CNOT11: variants seen among roughly 807,000 people sequenced by gnomAD.
The protein encoded by CNOT11 is CCR4-NOT transcription complex subunit 11, also known as UPF0760 protein C2orf29.
A neutral mutation model predicts 44.6 loss-of-function variants in CNOT11; 18 were observed. The observed-to-expected ratio is 0.40, with a 90% CI of 0.28 to 0.60. The LOEUF (loss-of-function observed/expected upper bound fraction) is 0.60, where lower values mean the gene tolerates loss of function less well. Among genes scored for constraint, CNOT11 ranks in the 20% least tolerant of loss-of-function variants. The pLI, the probability that CNOT11 is intolerant of heterozygous loss-of-function variation, is 0.38. For missense variants in CNOT11, 513 were observed against 677.0 expected (o/e 0.76, Z 2.69); for synonymous variants, 291 against 270.9 (o/e 1.07, Z -0.73).
rs1681662189 is a variant in CNOT11 at position 101,253,182 on chromosome 2, G to GCAT, written c.222_224dup (p.Ile75dup). The GCAT allele has an allele frequency of 6.2e-7, 1 of 1,603,242 alleles. No homozygotes were observed. Among genetic ancestry groups the GCAT allele is most frequent in the South Asian group, 1.1e-5 (1 of 89,832 alleles). On this transcript the variant is annotated inframe_insertion, in exon 1 of 7. Transcript: ENST00000289382. The surrounding 1 kb of genome is among the most constrained non-coding windows in gnomAD (Gnocchi z 4.3). ...CCGAAGGAGCTCTCGAGCCTGCTGAGCATCATATCGGAGGAGGCGGGCGGC... is the reference window on the plus strand; with the variant it reads ...CCGAAGGAGCTCTCGAGCCTGCTGAGCATCATCATATCGGAGGAGGCGGGCGGC...
Position 101,253,482 on chromosome 2 carries a change from C to T in CNOT11, c.514+4C>T, listed in dbSNP as rs781534231. On this transcript the variant is annotated splice_donor_region_variant and intron_variant, in intron 1 of 6. Transcript: ENST00000289382. This position sits in a 1 kb window ranked among gnomAD's most constrained non-coding sequence, Gnocchi z 4.3. The stretch of plus-strand genomic sequence containing the variant: ...CCCGACCGCCCTCCGCTCTCAGGTA[C>T]CTCCTGAAGCCAGCTGTGCCGTGTG... The T allele has an allele frequency of 3.4e-6, 5 of 1,463,758 alleles. No individual in the cohort carries two copies. The South Asian group carries it at 5.6e-5, about 16-fold the overall frequency. The allele number at this position is 1,463,758 out of a possible 1,614,324, so 90.7% of individuals were successfully genotyped here. A position where few individuals can be genotyped will look rare whatever the true frequency, so the allele number is the denominator to read the frequency against.
chr2:101,256,538 A>C lies in CNOT11; in HGVS notation c.515-1253A>C, dbSNP rs569810807. Among the ~76,000 whole-genome samples, 26 of 152,268 alleles carry C rather than the reference A, an allele frequency of 1.7e-4. No individual in the cohort carries two copies. In the South Asian group the frequency reaches 3.9e-3, roughly 23 times the overall value. ...TCATGAGCAATTAAACATGGGACAA[A>C]AGGGAAGGAACATTCAGCCTTGTGG... On this transcript the variant is annotated intron_variant, in intron 1 of 6. Coordinates refer to ENST00000289382, the MANE Select transcript of CNOT11 (RefSeq NM_017546.5).
At chr2:101,257,642 T>C in intron 1 of CNOT11, 149 bp from the exon 2 acceptor site, 1 of 597,922 alleles carries the variant, frequency 1.7e-6, no homozygotes, top group Non-Finnish European at 3.0e-6. Context: ...TTTGTAAATG[T>C]ATATATTTGG....
chr2:101,259,341 G>A lies in CNOT11; in HGVS notation c.679+1386G>A, dbSNP rs181082751. ...GTATGAGACTTTCAACTTTGTTCTC[G>A]TTCAGGATTGTTCTGGCACATTCTG... On this transcript the variant is annotated intron_variant, in intron 2 of 6. Coordinates refer to ENST00000289382, the MANE Select transcript of CNOT11 (RefSeq NM_017546.5). Among the ~76,000 whole-genome samples the A allele has an allele frequency of 5.9e-4, 90 of 152,226 alleles. 1 individual carries two copies. In the South Asian group the frequency reaches 0.016, roughly 27 times the overall value.
rs1681666811 is a variant in CNOT11, at chr2:101,253,320, C to T, written c.356C>T (p.Pro119Leu). The T allele has an allele frequency of 6.2e-7, 1 of 1,608,042 alleles. No homozygotes were observed. The highest frequency in any genetic ancestry group is 8.5e-7 in the Non-Finnish European group (1 of 1,179,280). ...VMLLQQPDLL[P>L]SAAQRLTALY... ...CTGCTCCAGCAGCCCGACCTGCTGC[C>T]TAGCGCGGCGCAGCGCCTCACGGCG... The change falls in exon 1 of 7, where the codon CCT (proline) becomes CTT (leucine). Residue 119 changes from proline to leucine, a missense_variant. Physicochemically the swap from Pro to Leu is moderately conservative, Grantham distance 98. Around this residue, in one of 4 missense-constraint regions of CNOT11, gnomAD observed 259 missense variants for 265.7 expected, o/e 0.97. Coordinates refer to ENST00000289382, the MANE Select transcript of CNOT11 (RefSeq NM_017546.5). The surrounding 1 kb of genome is among the most constrained non-coding windows in gnomAD (Gnocchi z 4.3).
rs1285258235 is a variant in CNOT11 at position 101,257,948 on chromosome 2, C to T, written c.672C>T (p.Ala224=). 2 of 1,611,830 alleles carry T rather than the reference C, an allele frequency of 1.2e-6. No individual in the cohort carries two copies. Among genetic ancestry groups the T allele is most frequent in the African/African-American group, 2.7e-5 (2 of 74,876 alleles). ...QSVDISGLQL[A]LAERQSELPT... ...TGGACATTAGTGGGCTTCAGTTAGC[C>T]TTGGCCGGTAAGGAGGAATCAGTGT... is the stretch of plus-strand genomic sequence containing the variant. Residue 224 remains alanine (A), a synonymous_variant, in exon 2 of 7, where the codon GCC becomes GCT. Coordinates refer to ENST00000289382, the MANE Select transcript of CNOT11 (RefSeq NM_017546.5).
chr2:101,268,324 T>C (rs943392246), intron 5 of CNOT11, among the ~76,000 whole-genome samples: 2 of 152,236 alleles, frequency 1.3e-5, no homozygotes, highest in Admixed American at 6.5e-5. Flanking sequence ...CATATTCTTA[T>C]AGCAGTTCTT....
rs181425103 is a variant in CNOT11 at position 101,254,803 on chromosome 2, C to T, written c.514+1325C>T. Among the ~76,000 whole-genome samples the T allele has an allele frequency of 1.6e-4, 25 of 152,144 alleles. No homozygotes were observed. The East Asian group carries it at 4.8e-3, about 29-fold the overall frequency. ...GCCCCAGCTGCTCAGGAGTTTGAGG[C>T]AGGAGGATCACTTGAGCCTAGGAGT... On this transcript the variant is annotated intron_variant, in intron 1 of 6. Transcript: ENST00000289382.
At chr2:101,260,381 G>T (rs181586712) in intron 2 of CNOT11, among the ~76,000 whole-genome samples, 1 of 152,182 alleles carries the variant, frequency 6.6e-6, no homozygotes, top group South Asian at 2.1e-4. Context: ...TTGAGTAGCC[G>T]TAAGAAAGTT....
At chr2:101,258,054 G>A in intron 2 of CNOT11, 99 bp downstream of exon 2, 2 of 1,203,228 alleles carry the variant, frequency 1.7e-6, no homozygotes, top group Non-Finnish European at 2.3e-6. Context: ...ACTGCTAAAA[G>A]GTTAGTATCA....
Position 101,257,961 on chromosome 2 carries a change from G to T in CNOT11, c.679+6G>T, listed in dbSNP as rs755041959. On this transcript the variant is annotated splice_donor_region_variant and intron_variant, in intron 2 of 6. Transcript: ENST00000289382. ...GCTTCAGTTAGCCTTGGCCGGTAAGGAGGAATCAGTGTTTTGGGCATTTCT... is the reference window on the plus strand; with the variant it reads ...GCTTCAGTTAGCCTTGGCCGGTAAGTAGGAATCAGTGTTTTGGGCATTTCT... 1 of 1,609,110 alleles carries T rather than the reference G, an allele frequency of 6.2e-7. No individual in the cohort carries two copies. The highest frequency in any genetic ancestry group is 8.5e-7 in the Non-Finnish European group (1 of 1,177,104).
rs963194317 is a variant in CNOT11 at position 101,263,812 on chromosome 2, T to C, written c.833-1033T>C. On this transcript the variant is annotated intron_variant, in intron 3 of 6. Coordinates refer to ENST00000289382, the MANE Select transcript of CNOT11 (RefSeq NM_017546.5). ...TGCTCGGGCAGAACTCTAAATTGCA[T>C]AGGTCACCAGGAAGATATATGAAAA... Among the ~76,000 whole-genome samples, 9 of 152,336 alleles carry C rather than the reference T, an allele frequency of 5.9e-5. No individual in the cohort carries two copies. In the South Asian group the frequency reaches 6.2e-4, roughly 11 times the overall value.
Position 101,264,990 on chromosome 2 carries a change from C to T in CNOT11, c.978C>T (p.Ile326=). ...TTAAGAATAGCACTGGTGTGGAGAT[C>T]AAACGAATAATGGCCAAAGCCTTCA... ...MCVKNSTGVE[I]KRIMAKAFKS... is the part of the protein sequence containing the mutation. The change falls in exon 4 of 7, where the codon ATC becomes ATT. Residue 326 remains isoleucine (I), a synonymous_variant. Transcript: ENST00000289382. 1 of 1,614,132 alleles carries T rather than the reference C, an allele frequency of 6.2e-7. No individual in the cohort carries two copies. Among genetic ancestry groups the T allele is most frequent in the Non-Finnish European group, 8.5e-7 (1 of 1,179,998 alleles).
chr2:101,257,805 A>G lies in CNOT11; in HGVS notation c.529A>G (p.Ile177Val). Residue 177 changes from isoleucine to valine, a missense_variant, in exon 2 of 7, where the codon ATA (isoleucine) becomes GTA (valine). Physicochemically the swap from Ile to Val is conservative, Grantham distance 29. This residue lies in a region of CNOT11 where 259 missense variants were observed against 265.7 expected (regional missense o/e 0.97). Transcript: ENST00000289382. ...TTTGTTTGCAGGATTTTTACCTCCT[A>G]TAACTCCACCAGAAAAGTTTTTTCT... ...RPPLSGFLPPITPPEKFFLSQ... is the reference protein window; with the variant it reads ...RPPLSGFLPPVTPPEKFFLSQ... 1 of 1,613,532 alleles carries G rather than the reference A, an allele frequency of 6.2e-7. No homozygotes were observed. The highest frequency in any genetic ancestry group is 1.3e-5 in the African/African-American group (1 of 75,006).
Position 101,262,576 on chromosome 2 carries a change from C to A in CNOT11, c.717C>A (p.Ser239Arg). ...AATTGCCAACGCAAAGCAAAGCGAG[C>A]TTCCCCAGTATTCTCAGTGACCCAG... ...QSELPTQSKA[S>R]FPSILSDPDP... Residue 239 changes from serine (S) to arginine (R), a missense_variant, in exon 3 of 7, where the codon AGC (serine) becomes AGA (arginine). Physicochemically the swap from Ser to Arg is moderately radical, Grantham distance 110. Coordinates refer to ENST00000289382, the MANE Select transcript of CNOT11 (RefSeq NM_017546.5). 6.2e-7 allele frequency: 1 copy of A among 1,614,154 alleles called. No homozygotes were observed. Among genetic ancestry groups the A allele is most frequent in the Non-Finnish European group, 8.5e-7 (1 of 1,180,000 alleles).
At position 101,253,698 on chromosome 2, in the gene CNOT11, AATG is replaced by A. The variant is rs1681678669; in HGVS notation, c.514+223_514+225del. 6.6e-6 allele frequency among the ~76,000 whole-genome samples: 1 copy of A among 152,214 alleles called. No homozygotes were observed. The highest frequency in any genetic ancestry group is 2.4e-5 in the African/African-American group (1 of 41,448). The stretch of plus-strand genomic sequence containing the variant: ...TTAATTGCAAGTTCGTGACACCGAA[AATG>A]ATTTCTCTATACACCCCATCACATC... On this transcript the variant is annotated intron_variant, in intron 1 of 6. Coordinates refer to ENST00000289382, the MANE Select transcript of CNOT11 (RefSeq NM_017546.5). This position sits in a 1 kb window ranked among gnomAD's most constrained non-coding sequence, Gnocchi z 4.3.
rs951972925 is a variant in CNOT11 at position 101,255,464 on chromosome 2, C to T, written c.514+1986C>T. ...GAGCCAAGATTGTGCCACTGCAATC[C>T]GGCCTGGGCTAAAGAGCGGGACTCC... On this transcript the variant is annotated intron_variant, in intron 1 of 6. Transcript: ENST00000289382. 2.7e-5 allele frequency among the ~76,000 whole-genome samples: 4 copies of T among 150,662 alleles called. No homozygotes were observed. The East Asian group carries it at 5.9e-4, about 22-fold the overall frequency.
rs1407638086 is a variant in CNOT11 at position 101,253,711 on chromosome 2, T to C, written c.514+233T>C. Among the ~76,000 whole-genome samples the C allele has an allele frequency of 6.6e-6, 1 of 152,230 alleles. No individual in the cohort carries two copies. Among genetic ancestry groups the C allele is most frequent in the Non-Finnish European group, 1.5e-5 (1 of 68,044 alleles). On this transcript the variant is annotated intron_variant, in intron 1 of 6. Coordinates refer to ENST00000289382, the MANE Select transcript of CNOT11 (RefSeq NM_017546.5). This position sits in a 1 kb window ranked among gnomAD's most constrained non-coding sequence, Gnocchi z 4.3. ...CGTGACACCGAAAATGATTTCTCTA[T>C]ACACCCCATCACATCATACAGCTCA...
chr2:101,252,908 G>T lies in CNOT11; in HGVS notation c.-57G>T, dbSNP rs892067560. 3 of 1,379,088 alleles carry T rather than the reference G, an allele frequency of 2.2e-6. No homozygotes were observed. The highest frequency in any genetic ancestry group is 1.9e-6 in the Non-Finnish European group (2 of 1,074,322). 85.4% of individuals were successfully genotyped at this position (1,379,088 alleles called of 1,614,324 possible). On this transcript the variant is annotated 5_prime_UTR_variant, in exon 1 of 7. Coordinates refer to ENST00000289382, the MANE Select transcript of CNOT11 (RefSeq NM_017546.5). Reference sequence around the variant, plus strand: ...AGCGCGCTTTACGGCCGCGGGGACGGAGCGAGCCGGCGCCAGGGCCCCTCG... The same window carrying T: ...AGCGCGCTTTACGGCCGCGGGGACGTAGCGAGCCGGCGCCAGGGCCCCTCG...
Sources: gnomAD v4.1 joint callset for allele counts (sites outside exome capture counted in the v4.1 genomes callset) on GRCh38, gnomAD v4.1.1 for gene constraint, gnomAD v4.1.1 regional missense constraint, Gnocchi (gnomAD v3.1) non-coding constraint, MANE v1.5 for transcripts, NCBI Gene and HGNC (gene_info 2026-07-23, HGNC 2026-07-21) for gene names.